Variants in PIK3C2B observed in about 807,000 individuals in gnomAD.
PIK3C2B encodes the protein phosphatidylinositol 4-phosphate 3-kinase C2 domain-containing subunit beta.
In PIK3C2B, 83 loss-of-function variants were observed where a neutral mutation model predicts 184.3. The ratio of observed to expected loss-of-function variants is 0.45; its 90% confidence interval spans 0.38 to 0.54. The LOEUF (loss-of-function observed/expected upper bound fraction) is 0.54, where lower values mean the gene tolerates loss of function less well. Among genes scored for constraint, PIK3C2B ranks in the 20% least tolerant of loss-of-function variants. PIK3C2B has a pLI of 0.00. For synonymous variants in PIK3C2B, 779 were observed against 837.6 expected (o/e 0.93, Z 1.21); for missense variants, 1,736 against 2,113.5 (o/e 0.82, Z 3.50).
At chr1:204,483,526 G>C (rs1385182836) in intron 1 of PIK3C2B, among the ~76,000 whole-genome samples, 1 of 152,150 alleles carries the variant, frequency 6.6e-6, no homozygotes, top group Non-Finnish European at 1.5e-5. Context: ...TGTCGCCTGG[G>C]GAACAAGAGC....
intron 1 of PIK3C2B, among the ~76,000 whole-genome samples, chr1:204,483,584 A>G (rs894553318): frequency 5.3e-5 from 8 of 152,196 alleles, no homozygotes; most frequent in Non-Finnish European, 1.2e-4. Context: ...ATCTCTGTGC[A>G]TGGAATGGTT....
chr1:204,452,719 A>G (rs1654481310), intron 12 of PIK3C2B, among the ~76,000 whole-genome samples: 1 of 106,134 alleles, frequency 9.4e-6, no homozygotes, highest in African/African-American at 3.8e-5. Context: ...CAGTGGTGTG[A>G]TCATGGCTCA....
chr1:204,460,721 C>A (rs1339022043), intron 5 of PIK3C2B, 60 bp from the exon 6 acceptor site: 3 of 1,009,098 alleles, frequency 3.0e-6, no homozygotes, highest in East Asian at 4.7e-5. Context: ...AAGGGAGATA[C>A]ATACCTTAGC....
intron 5 of PIK3C2B, among the ~76,000 whole-genome samples, chr1:204,463,281 C>T (rs751301472): frequency 9.2e-5 from 14 of 152,172 alleles, no homozygotes; most frequent in Non-Finnish European, 1.9e-4. Flanking sequence ...GGGGCAGGAG[C>T]GGCTCTGAAG....
rs761173592 is a variant in PIK3C2B, at chr1:204,433,475, T to G, written c.3844-50A>C. On this transcript the variant is annotated intron_variant, in intron 25 of 32. Coordinates refer to ENST00000684373, the MANE Select transcript of PIK3C2B (RefSeq NM_001377334.1). This position sits in a 1 kb window ranked among gnomAD's most constrained non-coding sequence, Gnocchi z 5.0. ...GAGGGTGCCTGTAACAACAGAGAAT[T>G]CTTGCTGCTTCTCTACCCTTAGGCA... The G allele has an allele frequency of 6.9e-6, 8 of 1,163,560 alleles. No homozygotes were observed. The highest frequency in any genetic ancestry group is 2.3e-5 in the East Asian group (1 of 42,766). The allele number at this position is 1,163,560 out of a possible 1,614,324, so 72.1% of individuals were successfully genotyped here.
chr1:204,484,383 A>C (rs1657421509), intron 1 of PIK3C2B, among the ~76,000 whole-genome samples: 1 of 152,212 alleles, frequency 6.6e-6, no homozygotes, highest in Admixed American at 6.5e-5. Context: ...GTGTGAGCCC[A>C]AACTTCATGG....
chr1:204,442,494 C>T, intron 20 of PIK3C2B, 32 bp downstream of exon 20: 1 of 1,448,014 alleles, frequency 6.9e-7, no homozygotes, highest in Non-Finnish European at 9.5e-7. Context: ...AGCCCTCCCA[C>T]TCTGAGAGCC....
chr1:204,431,029 T>C (rs60450179), intron 28 of PIK3C2B, among the ~76,000 whole-genome samples: 5,150 of 152,340 alleles, frequency 0.034, 103 homozygotes, highest in East Asian at 0.12. Flanking sequence ...TTTTTAAGTG[T>C]ACAGTTCTGT....
intron 1 of PIK3C2B, among the ~76,000 whole-genome samples, chr1:204,488,818 T>C (rs545948111): frequency 1.6e-3 from 246 of 152,296 alleles, no homozygotes; most frequent in African/African-American, 5.8e-3. Context: ...CAACCCATAT[T>C]TCCCCCACTC....
chr1:204,456,848 C>T (rs1036898387), intron 10 of PIK3C2B, among the ~76,000 whole-genome samples, 189 bp downstream of exon 10: 10 of 149,598 alleles, frequency 6.7e-5, no homozygotes, highest in South Asian at 2.1e-4. Context: ...ATGTGCTCTC[C>T]AGCTGTATCC....
At position 204,423,529 on chromosome 1, in the gene PIK3C2B, G is replaced by C. The variant is rs1674594813; in HGVS notation, c.*1323C>G. The C allele has an allele frequency of 1.3e-5, 2 of 152,242 alleles. No homozygotes were observed. The highest frequency in any genetic ancestry group is 2.9e-5 in the Non-Finnish European group (2 of 68,008). 9.4% of individuals were successfully genotyped at this position (152,242 alleles called of 1,614,324 possible). A position where few individuals can be genotyped will look rare whatever the true frequency, so the allele number is the denominator to read the frequency against. ...AGTCAGTCTCAGTCTCTCCCTTCGG[G>C]CTCCTGAGCTTAGCTCCAGGGGAAT... On this transcript the variant is annotated 3_prime_UTR_variant, in exon 33 of 33. Transcript: ENST00000684373.
chr1:204,459,973 A>G (rs200058398), intron 7 of PIK3C2B, 32 bp from the exon 8 acceptor site: 2 of 1,596,406 alleles, frequency 1.3e-6, no homozygotes, highest in Non-Finnish European at 8.6e-7. Flanking sequence ...AAACCACAGG[A>G]GAGGTCATGA....
chr1:204,447,147 G>A lies in PIK3C2B; in HGVS notation c.2489+289C>T, dbSNP rs192205932. On this transcript the variant is annotated intron_variant, in intron 15 of 32. Transcript: ENST00000684373. This position sits in a 1 kb window ranked among gnomAD's most constrained non-coding sequence, Gnocchi z 4.1. Reference sequence around the variant, plus strand: ...CTGCCCCAGTGGACAGAAGGTAGTAGATAGCACATCTGGGATGTGGGGCAG... The same window carrying A: ...CTGCCCCAGTGGACAGAAGGTAGTAAATAGCACATCTGGGATGTGGGGCAG... Among the ~76,000 whole-genome samples the A allele has an allele frequency of 1.3e-3, 196 of 152,286 alleles. 1 individual carries two copies. The highest frequency in any genetic ancestry group is 4.3e-3 in the African/African-American group (179 of 41,562).
intron 20 of PIK3C2B, 24 bp from the exon 21 acceptor site, chr1:204,441,587 C>A: frequency 6.4e-7 from 1 of 1,564,034 alleles, no homozygotes; most frequent in Non-Finnish European, 8.8e-7. Flanking sequence ...AAGATAGTGA[C>A]GAGGGTCAGA....
intron 31 of PIK3C2B, among the ~76,000 whole-genome samples, chr1:204,426,229 C>T (rs771733465): frequency 1.3e-5 from 2 of 152,204 alleles, no homozygotes; most frequent in African/African-American, 4.8e-5. Context: ...AAACCCATCT[C>T]ATTCAGGGAA....
intron 1 of PIK3C2B, among the ~76,000 whole-genome samples, chr1:204,479,631 G>A (rs577009826): frequency 6.6e-6 from 1 of 152,336 alleles, no homozygotes; most frequent in Admixed American, 6.5e-5. Flanking sequence ...AGACACAGTA[G>A]CTCTCTTTAG....
intron 32 of PIK3C2B, 98 bp from the exon 33 acceptor site, chr1:204,425,138 G>A (rs1674679403): frequency 2.1e-6 from 2 of 965,850 alleles, no homozygotes; most frequent in African/African-American, 1.6e-5. Flanking sequence ...GTTGGGGGCT[G>A]ATCCAGCTGA....
At chr1:204,432,937 T>C (rs989066611) in intron 26 of PIK3C2B, among the ~76,000 whole-genome samples, 5 of 152,234 alleles carry the variant, frequency 3.3e-5, no homozygotes, top group African/African-American at 1.2e-4. Context: ...ATGAGGAGAC[T>C]GAATCATGGA....
chr1:204,430,014 G>C lies in PIK3C2B; in HGVS notation c.4305C>G (p.Gly1435=). ...LPSFPSRFVI[G]RSRGEAVAER... Reference sequence around the variant, plus strand: ...CGGCCACCGCCTCTCCCCGGGAGCGGCCGATCACGAAGCGACTAGGGAAGC... The same window carrying C: ...CGGCCACCGCCTCTCCCCGGGAGCGCCCGATCACGAAGCGACTAGGGAAGC... The change falls in exon 29 of 33, where the codon GGC becomes GGG. Residue 1435 remains glycine, a synonymous_variant. Transcript: ENST00000684373. The C allele has an allele frequency of 6.2e-7, 1 of 1,610,076 alleles. No individual in the cohort carries two copies. Among genetic ancestry groups the C allele is most frequent in the Non-Finnish European group, 8.5e-7 (1 of 1,179,750 alleles).
Sources: gnomAD v4.1 joint callset for allele counts (sites outside exome capture counted in the v4.1 genomes callset) on GRCh38, gnomAD v4.1.1 for gene constraint, Gnocchi (gnomAD v3.1) non-coding constraint, MANE v1.5 for transcripts, NCBI Gene and HGNC (gene_info 2026-07-23, HGNC 2026-07-21) for gene names.